The following ANKFN1 variants were observed in gnomAD, a reference collection of about 807,000 sequenced individuals.
ANKFN1 encodes the protein ankyrin repeat and fibronectin type III domain containing 1.
A neutral mutation model predicts 108.7 loss-of-function variants in ANKFN1; 74 were observed. The ratio of observed to expected loss-of-function variants is 0.68; its 90% CI spans 0.56 to 0.83. The LOEUF is 0.83. Among genes scored for constraint, ANKFN1 ranks in the 40% least tolerant of loss-of-function variants. The pLI is 0.00. For missense variants in ANKFN1, 1,505 were observed against 1,382.3 expected (o/e 1.09, Z -1.41); for synonymous variants, 547 against 516.2 (o/e 1.06, Z -0.81).
intron 1 of ANKFN1, among the ~76,000 whole-genome samples, chr17:56,154,495 T>C (rs190719586): frequency 6.6e-6 from 1 of 152,270 alleles, no homozygotes; most frequent in East Asian, 1.9e-4. Context: ...TTCCTTCCTT[T>C]CTTTCTTTTT....
chr17:56,080,915 T>A (rs1416295085), intron 4 of ANKFN1, among the ~76,000 whole-genome samples: 4 of 152,202 alleles, frequency 2.6e-5, no homozygotes, highest in Admixed American at 2.6e-4. Flanking sequence ...ACTGATGGCT[T>A]ATCACGCAAT....
In ANKFN1 at chr17:56,070,838, G is replaced by A. The variant is rs757087798; in HGVS notation, c.288+24513G>A. Among the ~76,000 whole-genome samples the A allele has an allele frequency of 4.0e-5, 6 of 151,532 alleles. No individual in the cohort carries two copies. The South Asian group carries it at 6.2e-4, about 16-fold the overall frequency. On this transcript the variant is annotated intron_variant, in intron 4 of 12. Transcript: ENST00000635860. ...CAACCTCCACCTCCCGTGTTCAAGC[G>A]ATTCTCCTGCCTCAGCCTCCCAAGT...
intron 15 of ANKFN1, among the ~76,000 whole-genome samples, chr17:56,469,333 C>CTTAAGT (rs2050237983): frequency 6.6e-6 from 1 of 151,562 alleles, no homozygotes; most frequent in Admixed American, 6.6e-5. Context: ...GGTATCCAAT[C>CTTAAGT]CCTCCTAGAC....
chr17:56,174,403 T>C (rs1598180119), intron 1 of ANKFN1: 1 of 985,518 alleles, frequency 1.0e-6, no homozygotes, highest in Non-Finnish European at 1.2e-6. Context: ...GAGGCTGAGG[T>C]TGGCTTCCAA....
intron 15 of ANKFN1, among the ~76,000 whole-genome samples, chr17:56,467,032 C>A (rs972928588): frequency 2.0e-5 from 3 of 151,998 alleles, no homozygotes; most frequent in African/African-American, 7.3e-5. Flanking sequence ...CGGGGAGAAT[C>A]GCTGGAACCT....
intron 4 of ANKFN1, among the ~76,000 whole-genome samples, chr17:56,101,137 C>T (rs1346947469): frequency 6.6e-6 from 1 of 152,094 alleles, no homozygotes; most frequent in Non-Finnish European, 1.5e-5. Flanking sequence ...CTCACAAGAC[C>T]CTAGATCTTC....
At chr17:56,464,951 C>G (rs1273353043) in intron 14 of ANKFN1, among the ~76,000 whole-genome samples, 1 of 152,178 alleles carries the variant, frequency 6.6e-6, no homozygotes, top group African/African-American at 2.4e-5. Context: ...CCAACCTGTA[C>G]TGGCCCGAGA....
intron 6 of ANKFN1, among the ~76,000 whole-genome samples, chr17:56,357,083 C>T (rs892273591): frequency 6.6e-6 from 1 of 152,120 alleles, no homozygotes; most frequent in Non-Finnish European, 1.5e-5. Flanking sequence ...GGGATGATAG[C>T]CATGTTACCA....
intron 4 of ANKFN1, among the ~76,000 whole-genome samples, chr17:56,121,301 C>T (rs1906605625): frequency 6.6e-6 from 1 of 151,954 alleles, no homozygotes; most frequent in African/African-American, 2.4e-5. Flanking sequence ...CCTCAAGGCT[C>T]TCTTCAGTTG....
intron 6 of ANKFN1, among the ~76,000 whole-genome samples, chr17:56,364,377 T>C (rs2046607295): frequency 6.6e-6 from 1 of 152,172 alleles, no homozygotes. Flanking sequence ...TGGTAGCATT[T>C]TGGATATATC....
chr17:56,177,171 C>T (rs985403568), intron 1 of ANKFN1, among the ~76,000 whole-genome samples: 3 of 152,176 alleles, frequency 2.0e-5, no homozygotes, highest in Non-Finnish European at 1.5e-5. Context: ...CTAGCCACCA[C>T]GGATTCTGTT....
intron 3 of ANKFN1, among the ~76,000 whole-genome samples, chr17:56,311,117 G>T (rs1372735253): frequency 6.7e-6 from 1 of 150,136 alleles, no homozygotes; most frequent in African/African-American, 2.5e-5. Flanking sequence ...CTCCTTTTAG[G>T]GCTACATAAT....
intron 15 of ANKFN1, among the ~76,000 whole-genome samples, chr17:56,468,700 T>C (rs892609147): frequency 7.9e-5 from 12 of 152,200 alleles, no homozygotes; most frequent in Admixed American, 3.3e-4. Context: ...CATTTTTTCA[T>C]TACTTGCACC....
chr17:56,052,267 T>TG (rs1904791463), intron 4 of ANKFN1, among the ~76,000 whole-genome samples: 1 of 152,092 alleles, frequency 6.6e-6, no homozygotes, highest in African/African-American at 2.4e-5. Flanking sequence ...ACTTTTTCAG[T>TG]CTGCGAGGGC....
intron 8 of ANKFN1, among the ~76,000 whole-genome samples, chr17:56,413,276 A>G (rs1184950978): frequency 6.6e-6 from 1 of 152,186 alleles, no homozygotes. Flanking sequence ...TTGATTTTGT[A>G]TCCTGAGACT....
intron 3 of ANKFN1, among the ~76,000 whole-genome samples, chr17:56,302,530 AAAAG>A (rs1366636228): frequency 3.3e-5 from 5 of 151,608 alleles, no homozygotes; most frequent in African/African-American, 1.2e-4. Flanking sequence ...AAAAAAAAAA[AAAAG>A]AGAGAGAGAG....
intron 3 of ANKFN1, among the ~76,000 whole-genome samples, chr17:56,252,662 T>C (rs1227794446): frequency 6.6e-6 from 1 of 151,344 alleles, no homozygotes; most frequent in East Asian, 1.9e-4. Context: ...CCTGTAGTCC[T>C]GGCTACTAAG....
intron 3 of ANKFN1, among the ~76,000 whole-genome samples, chr17:56,306,112 C>A (rs2044816214): frequency 6.6e-6 from 1 of 152,140 alleles, no homozygotes; most frequent in Non-Finnish European, 1.5e-5. Context: ...TTATTTTTGT[C>A]TTTCAAAATT....
At chr17:56,263,128 C>A (rs1417908145) in intron 3 of ANKFN1, among the ~76,000 whole-genome samples, 1 of 152,196 alleles carries the variant, frequency 6.6e-6, no homozygotes, top group Non-Finnish European at 1.5e-5. Flanking sequence ...AGAAACAAGA[C>A]GAACAAGTTC....
Sources: allele counts gnomAD v4.1 joint callset (sites outside exome capture counted in the v4.1 genomes callset), GRCh38; gene constraint gnomAD v4.1.1; transcripts MANE v1.5; gene names NCBI Gene and HGNC (gene_info 2026-07-23, HGNC 2026-07-21).